SANBR: variants seen among roughly 807,000 people sequenced by gnomAD.
SANBR encodes the protein SANT and BTB domain regulator of CSR.
SANBR carries 77 observed loss-of-function variants against 101.8 expected under a neutral mutation model. The observed-to-expected ratio is 0.76, with a 90% CI of 0.63 to 0.91. The LOEUF (loss-of-function observed/expected upper bound fraction) is 0.91. SANBR is among the 40% of genes least tolerant of loss of function. The pLI is 0.00. For synonymous variants in SANBR, 279 were observed against 274.7 expected, an observed-to-expected ratio of 1.02 and a Z score of -0.15; for missense variants, 875 against 853.0, an observed-to-expected ratio of 1.03 and a Z score of -0.32.
At chr2:61,086,935 A>C (rs908049263) in intron 8 of SANBR, among the ~76,000 whole-genome samples, 1 of 152,224 alleles carries the variant, frequency 6.6e-6, no homozygotes, top group Non-Finnish European at 1.5e-5. Flanking sequence ...TTTGGCTTTT[A>C]ATAGCAGAAG....
intron 4 of SANBR, 33 bp downstream of exon 4, chr2:61,071,825 C>G: frequency 7.2e-7 from 1 of 1,391,800 alleles, no homozygotes; most frequent in Non-Finnish European, 9.9e-7. Context: ...AGTACTTGCC[C>G]TTATGAAAAT....
At chr2:61,094,638 C>CTTTTTTTTTTTTT (rs35061669) in intron 11 of SANBR, among the ~76,000 whole-genome samples, 1 of 79,016 alleles carries the variant, frequency 1.3e-5, no homozygotes, top group East Asian at 3.8e-4. Context: ...TATTTCTCTT[C>CTTTTTTTTTTTTT]TTTTTTTTTT....
chr2:61,103,800 A>G (rs1166579868), intron 12 of SANBR, 53 bp from the exon 13 acceptor site: 5 of 1,524,734 alleles, frequency 3.3e-6, no homozygotes, highest in Admixed American at 1.8e-5. Context: ...GTGATCTTTA[A>G]AGGAGTGTTC....
At chr2:61,085,385 A>G (rs1682368768) in intron 8 of SANBR, among the ~76,000 whole-genome samples, 1 of 152,090 alleles carries the variant, frequency 6.6e-6, no homozygotes, top group South Asian at 2.1e-4. Context: ...CCATATGTTG[A>G]AAAGACCATC....
chr2:61,083,226 A>G lies in SANBR; in HGVS notation c.802A>G (p.Ile268Val). ...IVATPCNMNCINANLLTRIAD... is the reference protein window; with the variant it reads ...IVATPCNMNCVNANLLTRIAD... The stretch of plus-strand genomic sequence containing the variant: ...AGCTACCCCATGCAACATGAACTGT[A>G]TTAATGCAAATCTTCTCACACGTAT... Residue 268 changes from isoleucine (I) to valine (V), a missense_variant, in exon 8 of 22, where the codon ATT becomes GTT. Coordinates refer to ENST00000402291, the MANE Select transcript of SANBR (RefSeq NM_001129993.3). 1 of 1,610,968 alleles carries G rather than the reference A, an allele frequency of 6.2e-7. No individual in the cohort carries two copies. The highest frequency in any genetic ancestry group is 8.5e-7 in the Non-Finnish European group (1 of 1,177,156).
intron 21 of SANBR, among the ~76,000 whole-genome samples, chr2:61,136,880 G>A (rs111504262): frequency 4.4e-3 from 667 of 151,152 alleles, no homozygotes; most frequent in Non-Finnish European, 7.3e-3. Flanking sequence ...CTGAGGCAGA[G>A]AATTGCTTGA....
intron 5 of SANBR, among the ~76,000 whole-genome samples, chr2:61,074,107 A>G (rs923987687): frequency 6.6e-6 from 1 of 152,162 alleles, no homozygotes; most frequent in African/African-American, 2.4e-5. Flanking sequence ...GAATATTTTT[A>G]TTATTTCTGA....
At chr2:61,117,335 A>G (rs1488257271) in intron 17 of SANBR, 22 bp from the exon 18 acceptor site, 1 of 1,609,708 alleles carries the variant, frequency 6.2e-7, no homozygotes, top group Non-Finnish European at 8.5e-7. Context: ...ATTGGGCCTT[A>G]ATGTTGTCTA....
rs1207103551 is a variant in SANBR at position 61,121,311 on chromosome 2, GC to G, written c.2120+36del. 115 of 1,445,526 alleles carry G rather than the reference GC, an allele frequency of 8.0e-5. No homozygotes were observed. The Admixed American group carries it at 2.3e-3, about 29-fold the overall frequency. The allele number at this position is 1,445,526 out of a possible 1,614,324, so 89.5% of individuals were successfully genotyped here. A position where few individuals can be genotyped will look rare whatever the true frequency, so the allele number is the denominator to read the frequency against. ...CATAAACTAAACCAGAGTGTCAGTG[GC>G]TTTGAAGTGAATTTTTTTTTTAAGA... On this transcript the variant is annotated intron_variant, in intron 21 of 21. Transcript: ENST00000402291.
At chr2:61,086,385 AAATT>A (rs749457805) in intron 8 of SANBR, among the ~76,000 whole-genome samples, 1 of 151,880 alleles carries the variant, frequency 6.6e-6, no homozygotes, top group Non-Finnish European at 1.5e-5. Context: ...TTTATTTAAT[AAATT>A]AAATTGTTGG....
At chr2:61,095,832 C>G (rs531703834) in intron 11 of SANBR, among the ~76,000 whole-genome samples, 7 of 152,134 alleles carry the variant, frequency 4.6e-5, no homozygotes, top group African/African-American at 9.7e-5. Flanking sequence ...AAAAGCCCAG[C>G]GATGTCCCCT....
chr2:61,086,123 T>G (rs185316193), intron 8 of SANBR, among the ~76,000 whole-genome samples: 4 of 152,146 alleles, frequency 2.6e-5, no homozygotes, highest in African/African-American at 9.7e-5. Context: ...CACCAATGTC[T>G]TGTAGTTTTC....
rs775859405 is a variant in SANBR, at chr2:61,133,573, C to T, written c.2029-564C>T. Among the ~76,000 whole-genome samples the T allele has an allele frequency of 3.5e-4, 53 of 151,890 alleles. No homozygotes were observed. In the Middle Eastern group the frequency reaches 0.01, roughly 29 times the overall value. ...TTCAAGACCGGCCTGGGCAACATAC[C>T]GAGACCCTATCTCTACAAAAAAAAT... On this transcript the variant is annotated intron_variant, in intron 20 of 21. Transcript: ENST00000295031.
At chr2:61,104,492 A>G (rs946734487) in intron 13 of SANBR, among the ~76,000 whole-genome samples, 9 of 151,810 alleles carry the variant, frequency 5.9e-5, no homozygotes, top group Non-Finnish European at 1.0e-4. Context: ...CAAAAAAAAA[A>G]AAGAAAAGAG....
chr2:61,077,595 AAAAAG>A (rs1219353581), intron 6 of SANBR, among the ~76,000 whole-genome samples: 3 of 152,242 alleles, frequency 2.0e-5, no homozygotes, highest in Non-Finnish European at 2.9e-5. Context: ...TAAGAAAAAA[AAAAAG>A]AAAAGAAAAA....
intron 8 of SANBR, among the ~76,000 whole-genome samples, chr2:61,083,686 G>A (rs1349433105): frequency 6.6e-6 from 1 of 152,070 alleles, no homozygotes; most frequent in Non-Finnish European, 1.5e-5. Flanking sequence ...TGGCTAACAT[G>A]GTGAAACCCC....
chr2:61,092,958 C>A (rs1178952061), intron 11 of SANBR, among the ~76,000 whole-genome samples: 1 of 151,978 alleles, frequency 6.6e-6, no homozygotes, highest in Non-Finnish European at 1.5e-5. Context: ...ATGGTGAAAC[C>A]CCATCTCTAG....
rs1274241668 is a variant in SANBR at position 61,076,985 on chromosome 2, G to A, written c.497G>A (p.Arg166Gln). The A allele has an allele frequency of 2.5e-6, 4 of 1,613,992 alleles. No homozygotes were observed. The highest frequency in any genetic ancestry group is 3.4e-6 in the Non-Finnish European group (4 of 1,180,022). ...TTGAAAGAAGATTTTACTTGCCCGC[G>A]AGATCTTTTGATATCAGAAATGAAG... ...KNLKEDFTCP[R>Q]DLLISEMKYF... Residue 166 changes from arginine to glutamine, a missense_variant, in exon 6 of 22, where the codon CGA becomes CAA. Physicochemically the swap from Arg to Gln is conservative, Grantham distance 43. Transcript: ENST00000402291.
intron 8 of SANBR, among the ~76,000 whole-genome samples, chr2:61,084,379 A>G (rs1407314415): frequency 6.6e-6 from 1 of 152,218 alleles, no homozygotes; most frequent in Non-Finnish European, 1.5e-5. Context: ...GTTACTTTGT[A>G]TAATGGCCAT....
Sources: gnomAD v4.1 joint callset for allele counts (sites outside exome capture counted in the v4.1 genomes callset) on GRCh38, gnomAD v4.1.1 for gene constraint, MANE v1.5 for transcripts, NCBI Gene and HGNC (gene_info 2026-07-23, HGNC 2026-07-21) for gene names.